Variants in ANK1 observed in about 807,000 individuals in gnomAD.
ANK1 encodes the protein ankyrin-1.
Under a neutral mutation model 210.4 loss-of-function variants are expected in ANK1, and 51 were observed. The observed-to-expected ratio is 0.24, with a 90% confidence interval of 0.19 to 0.31. ANK1 has a LOEUF of 0.31. Among genes scored for constraint, ANK1 ranks in the 10% least tolerant of loss-of-function variants. ANK1 has a pLI of 1.00. For missense variants in ANK1, 2,051 were observed against 2,504.4 expected (o/e 0.82, Z 3.86); for synonymous variants, 967 against 1,025.9 (o/e 0.94, Z 1.10).
intron 1 of ANK1, among the ~76,000 whole-genome samples, chr8:41,831,280 G>A (rs1185488682): frequency 6.6e-6 from 1 of 152,192 alleles, no homozygotes; most frequent in Admixed American, 6.5e-5. Context: ...AGCCCCAAGA[G>A]TTTCTTCTTC....
intron 41 of ANK1, 91 bp downstream of exon 41, chr8:41,661,785 G>T: frequency 6.2e-7 from 1 of 1,613,146 alleles, no homozygotes; most frequent in Non-Finnish European, 8.5e-7. Context: ...CCCCAGGGCC[G>T]CGGGCGCCTC....
chr8:41,698,726 C>T (rs1821810227), intron 23 of ANK1, among the ~76,000 whole-genome samples: 1 of 152,140 alleles, frequency 6.6e-6, no homozygotes, highest in African/African-American at 2.4e-5. Context: ...CCTAACATAC[C>T]TCAGGGGCAG....
intron 37 of ANK1, among the ~76,000 whole-genome samples, chr8:41,677,918 C>A (rs1192912976): frequency 6.6e-6 from 1 of 152,106 alleles, no homozygotes; most frequent in African/African-American, 2.4e-5. Context: ...AATAAGAAAT[C>A]TGATGTGAAT....
At chr8:41,726,371 A>C (rs1563579924) in intron 5 of ANK1, among the ~76,000 whole-genome samples, 1 of 152,006 alleles carries the variant, frequency 6.6e-6, no homozygotes, top group Non-Finnish European at 1.5e-5. Context: ...CTGATAATTC[A>C]ATTGTGAGCT....
At chr8:41,792,026 C>T (rs1847842299) in intron 1 of ANK1, among the ~76,000 whole-genome samples, 1 of 152,222 alleles carries the variant, frequency 6.6e-6, no homozygotes, top group South Asian at 2.1e-4. Context: ...CCCCTACACG[C>T]TAATAGGTTT....
intron 3 of ANK1, among the ~76,000 whole-genome samples, chr8:41,733,739 G>T (rs911127370): frequency 3.3e-5 from 5 of 152,290 alleles, no homozygotes; most frequent in African/African-American, 4.8e-5. Flanking sequence ...TCAGGAAAGG[G>T]CTCTATTTTT....
chr8:41,769,040 A>G (rs1450623840), intron 1 of ANK1, among the ~76,000 whole-genome samples: 2 of 150,402 alleles, frequency 1.3e-5, no homozygotes, highest in Non-Finnish European at 3.0e-5. Flanking sequence ...TACGCTTCAA[A>G]GCTATGCAGC....
At chr8:41,734,111 T>C (rs1586566372) in intron 2 of ANK1, 42 bp from the exon 3 acceptor site, 1 of 1,552,248 alleles carries the variant, frequency 6.4e-7, no homozygotes, top group Non-Finnish European at 8.9e-7. Flanking sequence ...GTTAGTCAAA[T>C]GGTGCTTTCT....
chr8:41,890,726 G>GAAAAAAGA (rs1268022594), intron 1 of ANK1, among the ~76,000 whole-genome samples: 3 of 138,766 alleles, frequency 2.2e-5, no homozygotes, highest in Non-Finnish European at 4.6e-5. Context: ...AAAAAAAAAA[G>GAAAAAAGA]AAAAAAGAAA....
At chr8:41,683,819 C>T (rs897805489) in intron 37 of ANK1, among the ~76,000 whole-genome samples, 3 of 152,086 alleles carry the variant, frequency 2.0e-5, no homozygotes, top group East Asian at 1.9e-4. Context: ...GAAGGTGTTG[C>T]GAGGGGGCCT....
upstream of ANK1, among the ~76,000 whole-genome samples, chr8:41,799,705 G>C (rs1008093202): frequency 1.3e-5 from 2 of 152,154 alleles, no homozygotes; most frequent in African/African-American, 4.8e-5. Context: ...CTGGGAGCCA[G>C]GTCATTTCAG....
intron 3 of ANK1, among the ~76,000 whole-genome samples, chr8:41,730,599 C>T (rs890040413): frequency 4.0e-5 from 6 of 150,506 alleles, no homozygotes; most frequent in Non-Finnish European, 7.4e-5. Context: ...CCTCAGGTAT[C>T]CATTGGAGAA....
chr8:41,663,110 C>G (rs1221822214), intron 40 of ANK1, among the ~76,000 whole-genome samples: 2 of 124,832 alleles, frequency 1.6e-5, no homozygotes, highest in African/African-American at 6.7e-5. Flanking sequence ...CTCTCTCTCT[C>G]TCTCTGTGTG....
intron 1 of ANK1, among the ~76,000 whole-genome samples, chr8:41,839,210 T>C (rs1370230045): frequency 6.6e-6 from 1 of 152,244 alleles, no homozygotes; most frequent in Non-Finnish European, 1.5e-5. Context: ...GGTGCTTTTA[T>C]ATAATAATGA....
At chr8:41,679,133 A>G (rs926061824) in intron 37 of ANK1, among the ~76,000 whole-genome samples, 2 of 152,178 alleles carry the variant, frequency 1.3e-5, no homozygotes, top group African/African-American at 4.8e-5. Context: ...GTCAGTTTCA[A>G]TGGATCGATT....
At chr8:41,732,993 C>T (rs1832599336) in intron 3 of ANK1, among the ~76,000 whole-genome samples, 3 of 152,232 alleles carry the variant, frequency 2.0e-5, no homozygotes, top group Non-Finnish European at 2.9e-5. Context: ...CCGCCTCAGC[C>T]TCCCAAAGTG....
At chr8:41,720,866 C>A (rs920842084) in intron 9 of ANK1, among the ~76,000 whole-genome samples, 8 of 152,116 alleles carry the variant, frequency 5.3e-5, no homozygotes, top group Non-Finnish European at 1.2e-4. Context: ...GGCCTCCATG[C>A]AGTTCGACAG....
At chr8:41,822,102 G>A (rs1235252466) in intron 1 of ANK1, among the ~76,000 whole-genome samples, 8 of 38,008 alleles carry the variant, frequency 2.1e-4, no homozygotes, top group Non-Finnish European at 3.1e-4. Context: ...GAGAGAGAGA[G>A]AGAGAGAGAG....
At chr8:41,830,843 G>C (rs776904563) in intron 1 of ANK1, among the ~76,000 whole-genome samples, 7 of 152,216 alleles carry the variant, frequency 4.6e-5, no homozygotes, top group Non-Finnish European at 1.0e-4. Context: ...CAAGCCAAAT[G>C]CCCAGCGTGA....
Sources: allele counts gnomAD v4.1 joint callset (sites outside exome capture counted in the v4.1 genomes callset), GRCh38; gene constraint gnomAD v4.1.1; transcripts MANE v1.5; gene names NCBI Gene and HGNC (gene_info 2026-07-23, HGNC 2026-07-21).